Variants in TENM3 observed in about 807,000 individuals in gnomAD.
TENM3 encodes the protein teneurin transmembrane protein 3.
TENM3 carries 63 observed loss-of-function variants against 255.1 expected under a neutral mutation model. The ratio of observed to expected loss-of-function variants is 0.25; its 90% confidence interval spans 0.20 to 0.30. The LOEUF is 0.30. TENM3 is among the 10% of genes least tolerant of loss of function. TENM3 has a pLI of 1.00. For missense variants in TENM3, 2,929 were observed against 3,461.1 expected (o/e 0.85, Z 3.86); for synonymous variants, 1,306 against 1,322.3 (o/e 0.99, Z 0.27).
the TENM3 span, among the ~76,000 whole-genome samples, chr4:181,941,259 A>G: frequency 6.6e-6 from 1 of 151,690 alleles, no homozygotes; most frequent in Admixed American, 6.6e-5. Flanking sequence ...TTATCACTCA[A>G]TACCACCTCT....
chr4:182,455,881 GCTC>G (rs1221217447), intron 3 of TENM3, among the ~76,000 whole-genome samples: 1 of 152,038 alleles, frequency 6.6e-6, no homozygotes, highest in Non-Finnish European at 1.5e-5. Flanking sequence ...ATTTCTTGTG[GCTC>G]CTCCTCCTCT....
At chr4:182,493,830 A>G (rs562278559) in intron 3 of TENM3, among the ~76,000 whole-genome samples, 219 of 152,282 alleles carry the variant, frequency 1.4e-3, no homozygotes, top group African/African-American at 5.0e-3. Context: ...CAATTATTAA[A>G]AAGAAATTGT....
the TENM3 span, chr4:181,905,885 C>T: frequency 2.0e-6 from 1 of 501,118 alleles, no homozygotes; most frequent in Admixed American, 2.5e-5. Context: ...CTTTCCTCTT[C>T]TTCATAATTA....
chr4:181,487,977 T>C, the TENM3 span, among the ~76,000 whole-genome samples: 2 of 152,056 alleles, frequency 1.3e-5, no homozygotes, highest in African/African-American at 4.8e-5. Flanking sequence ...TCATGAAAAA[T>C]GTCTAGTTCC....
chr4:181,469,058 G>T, the TENM3 span, among the ~76,000 whole-genome samples: 1 of 152,120 alleles, frequency 6.6e-6, no homozygotes, highest in South Asian at 2.1e-4. Flanking sequence ...TGAACTGCAG[G>T]TGTTAGAGAG....
At position 182,555,014 on chromosome 4, in the gene TENM3, TGTA is replaced by T. The variant is rs147139725; in HGVS notation, c.512-45906_512-45904del. ...TATTTGTCATGCCTCAAGCATACGATGTAGTAATATTCCTTGTCTTCCAAAAAA... is the reference window on the plus strand; with the variant it reads ...TATTTGTCATGCCTCAAGCATACGATGTAATATTCCTTGTCTTCCAAAAAA... On this transcript the variant is annotated intron_variant, in intron 3 of 27. Transcript: ENST00000511685. Among the ~76,000 whole-genome samples the T allele has an allele frequency of 6.2e-3, 939 of 152,214 alleles. 6 individuals carry two copies. Among genetic ancestry groups the T allele is most frequent in the African/African-American group, 0.021 (890 of 41,540 alleles).
In TENM3 at chr4:182,751,792, T is replaced by C. The variant is rs1762390850; in HGVS notation, c.3630-8T>C. The C allele has an allele frequency of 6.2e-7, 1 of 1,609,154 alleles. No individual in the cohort carries two copies. The highest frequency in any genetic ancestry group is 8.5e-7 in the Non-Finnish European group (1 of 1,175,492). On this transcript the variant is annotated splice_polypyrimidine_tract_variant and splice_region_variant and intron_variant, in intron 19 of 27. Transcript: ENST00000511685. The stretch of plus-strand genomic sequence containing the variant: ...CCCTTTGATGTTTATCTATGATCCT[T>C]TTCACAGCAGCAACCCAGCTCATAG...
the TENM3 span, among the ~76,000 whole-genome samples, chr4:181,833,803 G>A: frequency 6.6e-6 from 1 of 151,954 alleles, no homozygotes; most frequent in Admixed American, 6.6e-5. Context: ...GGAATTACTC[G>A]GTAATATGTC....
the TENM3 span, among the ~76,000 whole-genome samples, chr4:181,877,306 G>A: frequency 6.6e-6 from 1 of 152,072 alleles, no homozygotes; most frequent in East Asian, 1.9e-4. Flanking sequence ...AAATTCAAAT[G>A]CAATATTTGT....
intron 1 of TENM3, among the ~76,000 whole-genome samples, chr4:182,261,163 C>T (rs141763955): frequency 1.8e-3 from 267 of 152,288 alleles, no homozygotes; most frequent in African/African-American, 6.0e-3. Context: ...CGTGAGCCAC[C>T]GCGCCTGGCC....
chr4:181,596,545 C>T, the TENM3 span, among the ~76,000 whole-genome samples: 1 of 152,130 alleles, frequency 6.6e-6, no homozygotes, highest in Non-Finnish European at 1.5e-5. Flanking sequence ...TAATGAAACC[C>T]AACTATTAAG....
At chr4:182,594,343 G>A (rs1016924548) in intron 3 of TENM3, among the ~76,000 whole-genome samples, 1 of 151,954 alleles carries the variant, frequency 6.6e-6, no homozygotes, top group Non-Finnish European at 1.5e-5. Flanking sequence ...ACCTGTTAAA[G>A]CAAACACTTT....
chr4:181,844,336 T>TGATTTCA, the TENM3 span, among the ~76,000 whole-genome samples: 11 of 152,138 alleles, frequency 7.2e-5, no homozygotes, highest in Non-Finnish European at 1.3e-4. Context: ...TGAAATGACC[T>TGATTTCA]TTATTACTGA....
At chr4:182,283,841 C>T (rs930696065) in intron 1 of TENM3, among the ~76,000 whole-genome samples, 11 of 151,964 alleles carry the variant, frequency 7.2e-5, no homozygotes, top group Admixed American at 3.9e-4. Context: ...TATTTTTCTT[C>T]GATTTCTGAC....
the TENM3 span, among the ~76,000 whole-genome samples, chr4:182,006,550 T>C: frequency 6.6e-6 from 1 of 152,196 alleles, no homozygotes; most frequent in Non-Finnish European, 1.5e-5. Flanking sequence ...GTAGTTTGTA[T>C]TTCTGTGGCA....
rs568664729 is a variant in TENM3, at chr4:182,608,603, C to G, written c.749+7442C>G. On this transcript the variant is annotated intron_variant, in intron 4 of 27. Coordinates refer to ENST00000511685, the MANE Select transcript of TENM3 (RefSeq NM_001080477.4). ...TGTTGATGTAAAAGAGCGCCCTGCT[C>G]GTCCGCTTGCTGCAGCCGCCCGGTC... 8.5e-5 allele frequency among the ~76,000 whole-genome samples: 13 copies of G among 152,316 alleles called. No homozygotes were observed. The East Asian group carries it at 2.5e-3, about 29-fold the overall frequency.
intron 1 of TENM3, among the ~76,000 whole-genome samples, chr4:182,250,688 A>G (rs1367784911): frequency 6.6e-6 from 1 of 152,256 alleles, no homozygotes; most frequent in African/African-American, 2.4e-5. Context: ...TAAACTATCT[A>G]TAACCTCCAG....
At chr4:182,084,213 C>T in the TENM3 span, among the ~76,000 whole-genome samples, 47 of 152,238 alleles carry the variant, frequency 3.1e-4, no homozygotes, top group East Asian at 8.5e-3. Context: ...AATAAGCTGC[C>T]TCCTCTCCAC....
chr4:182,524,872 T>TA (rs1738989905), intron 3 of TENM3, among the ~76,000 whole-genome samples: 1 of 150,184 alleles, frequency 6.7e-6, no homozygotes, highest in African/African-American at 2.5e-5. Flanking sequence ...AAAAGAAAAT[T>TA]AAACTACCTG....
Sources: allele counts gnomAD v4.1 joint callset (sites outside exome capture counted in the v4.1 genomes callset), GRCh38; gene constraint gnomAD v4.1.1; transcripts MANE v1.5; gene names NCBI Gene and HGNC (gene_info 2026-07-23, HGNC 2026-07-21).